The following CSMD1 variants were observed in gnomAD, a reference collection of about 807,000 sequenced individuals.
The protein encoded by CSMD1 is CUB and sushi domain-containing protein 1.
Under a neutral mutation model 417.5 loss-of-function variants are expected in CSMD1, and 213 were observed. That is an observed-to-expected ratio of 0.51 (90% CI 0.46 to 0.57). The LOEUF is 0.57. Among genes scored for constraint, CSMD1 ranks in the 20% least tolerant of loss-of-function variants. CSMD1 has a pLI of 0.00. For missense variants in CSMD1, 6,923 were observed against 4,529.7 expected (o/e 1.53, Z -15.17); for synonymous variants, 2,862 against 1,736.8 (o/e 1.65, Z -16.11).
At chr8:3,659,282 G>A (rs967189695) in intron 7 of CSMD1, among the ~76,000 whole-genome samples, 1 of 152,158 alleles carries the variant, frequency 6.6e-6, no homozygotes, top group Non-Finnish European at 1.5e-5. Flanking sequence ...AAATTGCAGA[G>A]ATGATCACCT....
At chr8:3,917,448 C>A (rs566370667) in intron 5 of CSMD1, among the ~76,000 whole-genome samples, 1 of 151,988 alleles carries the variant, frequency 6.6e-6, no homozygotes, top group Admixed American at 6.6e-5. Flanking sequence ...CACGCTCATG[C>A]GCGCACAAAT....
chr8:3,587,140 G>GA (rs1800639839), intron 8 of CSMD1, among the ~76,000 whole-genome samples: 1 of 152,330 alleles, frequency 6.6e-6, no homozygotes, highest in South Asian at 2.1e-4. Flanking sequence ...TGGATTTAGA[G>GA]AAAAAACTGC....
chr8:3,976,287 G>T (rs187476939), intron 5 of CSMD1, among the ~76,000 whole-genome samples: 3 of 150,920 alleles, frequency 2.0e-5, no homozygotes, highest in Admixed American at 6.6e-5. Flanking sequence ...TTAGCTGTCA[G>T]GTTATACTTA....
chr8:4,533,053 A>T (rs780322013), intron 2 of CSMD1, among the ~76,000 whole-genome samples: 1 of 152,170 alleles, frequency 6.6e-6, no homozygotes, highest in Non-Finnish European at 1.5e-5. Flanking sequence ...CCAGGCAACC[A>T]CTCACCTACT....
chr8:3,485,772 TAAAATA>T (rs1817995084), intron 11 of CSMD1, among the ~76,000 whole-genome samples: 1 of 11,388 alleles, frequency 8.8e-5, no homozygotes. Context: ...AAAAATAAAA[TAAAATA>T]AAATAAAATA....
chr8:3,868,607 C>G (rs566210801), intron 5 of CSMD1, among the ~76,000 whole-genome samples: 4 of 152,248 alleles, frequency 2.6e-5, no homozygotes, highest in South Asian at 4.1e-4. Flanking sequence ...CGCAATAGGA[C>G]CCGAACCTCA....
At chr8:3,882,855 A>G (rs1806296098) in intron 5 of CSMD1, among the ~76,000 whole-genome samples, 1 of 152,164 alleles carries the variant, frequency 6.6e-6, no homozygotes, top group Non-Finnish European at 1.5e-5. Context: ...AAGCCAAGAG[A>G]ATGGCTACCC....
intron 7 of CSMD1, among the ~76,000 whole-genome samples, chr8:3,677,796 T>A (rs565694359): frequency 7.2e-5 from 11 of 152,300 alleles, no homozygotes; most frequent in South Asian, 4.1e-4. Flanking sequence ...TGCAATTTTT[T>A]AAAACCAGTA....
At chr8:3,485,402 G>C (rs1020254499) in intron 11 of CSMD1, among the ~76,000 whole-genome samples, 1 of 151,940 alleles carries the variant, frequency 6.6e-6, no homozygotes, top group African/African-American at 2.4e-5. Flanking sequence ...TAGAAAACAG[G>C]GAGTTGGCTA....
chr8:3,480,330 C>G (rs901036797), intron 11 of CSMD1, among the ~76,000 whole-genome samples: 5 of 152,062 alleles, frequency 3.3e-5, no homozygotes, highest in Admixed American at 2.0e-4. Flanking sequence ...CCACTGCACT[C>G]CAGCCCCCTG....
At chr8:4,638,206 G>A (rs1408400459) in intron 1 of CSMD1, among the ~76,000 whole-genome samples, 1 of 152,108 alleles carries the variant, frequency 6.6e-6, no homozygotes, top group Admixed American at 6.5e-5. Context: ...ATAGTATCAT[G>A]CTTAAAACAC....
intron 2 of CSMD1, among the ~76,000 whole-genome samples, chr8:4,484,416 G>C (rs138346046): frequency 0.01 from 1,567 of 152,204 alleles, 18 homozygotes; most frequent in Non-Finnish European, 0.013. Flanking sequence ...AGAACCAGAA[G>C]ACACAGAGAG....
chr8:3,481,020 G>C (rs71521866), intron 11 of CSMD1, among the ~76,000 whole-genome samples: 5,594 of 151,686 alleles, frequency 0.037, 109 homozygotes, highest in Middle Eastern at 0.065. Context: ...GCCAGGCGTG[G>C]TGGCAGGCAC....
intron 3 of CSMD1, among the ~76,000 whole-genome samples, chr8:4,145,849 A>G (rs560848612): frequency 6.6e-6 from 1 of 151,306 alleles, no homozygotes; most frequent in African/African-American, 2.5e-5. Flanking sequence ...AGAGCCGTTC[A>G]CACCAGCTTT....
At chr8:4,004,541 T>C (rs1445014758) in intron 4 of CSMD1, among the ~76,000 whole-genome samples, 1 of 152,086 alleles carries the variant, frequency 6.6e-6, no homozygotes, top group Non-Finnish European at 1.5e-5. Flanking sequence ...AATGAAGTAG[T>C]ATTTTTAGCA....
intron 2 of CSMD1, among the ~76,000 whole-genome samples, chr8:4,444,699 ACT>A (rs1210023381): frequency 3.9e-5 from 6 of 152,156 alleles, no homozygotes; most frequent in Admixed American, 1.3e-4. Context: ...AAGCAGGGTC[ACT>A]CTAAGCACAG....
chr8:3,356,484 G>A (rs1808800562), intron 21 of CSMD1, among the ~76,000 whole-genome samples: 1 of 152,132 alleles, frequency 6.6e-6, no homozygotes, highest in Admixed American at 6.5e-5. Flanking sequence ...AGACCAGCCT[G>A]GTCAACATGG....
At chr8:4,381,469 A>T (rs1456424796) in intron 3 of CSMD1, among the ~76,000 whole-genome samples, 2 of 152,170 alleles carry the variant, frequency 1.3e-5, no homozygotes, top group African/African-American at 4.8e-5. Flanking sequence ...TGTGCTAAAG[A>T]TCATTGTCTT....
rs552715101 is a variant in CSMD1, at chr8:3,162,120, C to G, written c.5844+39G>C. 9 of 1,283,136 alleles carry G rather than the reference C, an allele frequency of 7.0e-6. No individual in the cohort carries two copies. In the East Asian group the frequency reaches 1.7e-4, roughly 25 times the overall value. 79.5% of individuals were successfully genotyped at this position (1,283,136 alleles called of 1,614,324 possible). On this transcript the variant is annotated intron_variant, in intron 38 of 69. Transcript: ENST00000635120. ...TTTAAGAGAGCTGCACAAAGATGAC[C>G]ATGTGTATGTTATTCCTGAGCACTG...
Sources: allele counts gnomAD v4.1 joint callset (sites outside exome capture counted in the v4.1 genomes callset), GRCh38; gene constraint gnomAD v4.1.1; transcripts MANE v1.5; gene names NCBI Gene and HGNC (gene_info 2026-07-23, HGNC 2026-07-21).